Variants in CROCC observed in about 807,000 individuals in gnomAD.
The protein encoded by CROCC is rootletin.
In CROCC, 180 loss-of-function variants were observed where a neutral mutation model predicts 245.2. The observed-to-expected ratio is 0.73, with a 90% CI of 0.65 to 0.83. CROCC has a LOEUF of 0.83. Ranked by LOEUF, CROCC falls within the 40% of genes least tolerant of loss-of-function variation. The pLI is 0.00. For synonymous variants in CROCC, 1,205 were observed against 1,241.6 expected (o/e 0.97, Z 0.62); for missense variants, 2,688 against 2,779.4 (o/e 0.97, Z 0.74).
intron 2 of CROCC, among the ~76,000 whole-genome samples, chr1:16,923,928 A>G (rs1257950453): frequency 1.1e-4 from 17 of 152,212 alleles, no homozygotes; most frequent in African/African-American, 4.1e-4. Flanking sequence ...TGATCCTCCT[A>G]TCTCGACTCC....
chr1:16,963,075 C>T (rs1470768579), intron 27 of CROCC, among the ~76,000 whole-genome samples: 3 of 150,884 alleles, frequency 2.0e-5, no homozygotes, highest in Non-Finnish European at 2.9e-5. Context: ...CCCAGCTACT[C>T]GGGAGGCTGA....
intron 30 of CROCC, 66 bp from the exon 31 acceptor site, chr1:16,968,137 A>G: frequency 6.7e-7 from 1 of 1,486,040 alleles, no homozygotes; most frequent in Non-Finnish European, 9.2e-7. Flanking sequence ...TAAGGGCCCC[A>G]GGGCGTGTGC....
upstream of CROCC, among the ~76,000 whole-genome samples, chr1:16,919,032 G>C (rs1381308147): frequency 2.0e-5 from 3 of 152,408 alleles, no homozygotes; most frequent in Non-Finnish European, 4.4e-5. Context: ...ACTGCACCTG[G>C]CCAGTAGCTG....
intron 35 of CROCC, among the ~76,000 whole-genome samples, chr1:16,971,259 A>T (rs946294038): frequency 6.8e-6 from 1 of 146,720 alleles, no homozygotes; most frequent in Non-Finnish European, 1.5e-5. Context: ...GTGTCCATGC[A>T]CCTGCCTGAG....
intron 3 of CROCC, among the ~76,000 whole-genome samples, 153 bp from the exon 4 acceptor site, chr1:16,929,693 C>T (rs2075619344): frequency 1.3e-5 from 2 of 152,396 alleles, no homozygotes; most frequent in South Asian, 4.1e-4. Flanking sequence ...CGTGCACTGC[C>T]CCTGGGCTTG....
At chr1:16,955,931 GC>G in intron 24 of CROCC, 65 bp from the exon 25 acceptor site, 1 of 1,537,242 alleles carries the variant, frequency 6.5e-7, no homozygotes, top group East Asian at 2.4e-5. Context: ...GGAGGAGACG[GC>G]TTTTGTGTAG....
At chr1:16,955,929 C>A in intron 24 of CROCC, 68 bp from the exon 25 acceptor site, 1 of 1,529,702 alleles carries the variant, frequency 6.5e-7, no homozygotes, top group Non-Finnish European at 8.8e-7. Context: ...TTGGAGGAGA[C>A]GGCTTTTGTG....
intron 8 of CROCC, among the ~76,000 whole-genome samples, chr1:16,932,559 A>T (rs2075701241): frequency 6.6e-6 from 1 of 152,260 alleles, no homozygotes; most frequent in South Asian, 2.1e-4. Flanking sequence ...CAGAAAAACC[A>T]CTTTGTGGAG....
At chr1:16,963,735 G>T (rs1429823693) in intron 27 of CROCC, among the ~76,000 whole-genome samples, 1 of 152,024 alleles carries the variant, frequency 6.6e-6, no homozygotes, top group East Asian at 1.9e-4. Flanking sequence ...CAGGGAGTCG[G>T]GCTGCCTGGA....
upstream of CROCC, among the ~76,000 whole-genome samples, chr1:16,918,112 A>G (rs1239948368): frequency 6.3e-5 from 9 of 141,830 alleles, no homozygotes; most frequent in Non-Finnish European, 7.7e-5. Flanking sequence ...GGAGTATTTT[A>G]TTTAATGCTC....
chr1:16,921,576 T>C (rs1222616954), upstream of CROCC, among the ~76,000 whole-genome samples: 1 of 152,262 alleles, frequency 6.6e-6, no homozygotes, highest in Non-Finnish European at 1.5e-5. Flanking sequence ...AGAAAGATGG[T>C]CACAAATACT....
intron 14 of CROCC, among the ~76,000 whole-genome samples, chr1:16,945,088 T>G (rs2076016142): frequency 1.3e-5 from 2 of 152,230 alleles, no homozygotes; most frequent in African/African-American, 4.8e-5. Context: ...CAAAAATTAG[T>G]CAGGCGTGGT....
In CROCC at chr1:16,948,413, G is replaced by A. The variant is rs775267557; in HGVS notation, c.2597G>A (p.Arg866Gln). The A allele has an allele frequency of 4.3e-5, 68 of 1,573,782 alleles. No individual in the cohort carries two copies. In the Middle Eastern group the frequency reaches 5.9e-4, roughly 14 times the overall value. Residue 866 changes from arginine (R) to glutamine (Q), a missense_variant, in exon 18 of 37, where the codon CGA becomes CAA. Around this residue, in one of 9 missense-constraint regions of CROCC, gnomAD observed 295 missense variants for 241.7 expected, o/e 1.22. Transcript: ENST00000375541. ...EAQRQVEALE[R>Q]AAREKEALAK... ...CAGCGGCAAGTGGAGGCGCTGGAGCGAGCGGCCCGTGAGAAGGAGGCGCTA... is the reference window on the plus strand; with the variant it reads ...CAGCGGCAAGTGGAGGCGCTGGAGCAAGCGGCCCGTGAGAAGGAGGCGCTA...
At chr1:16,957,009 C>T (rs2076259442) in intron 25 of CROCC, among the ~76,000 whole-genome samples, 1 of 152,228 alleles carries the variant, frequency 6.6e-6, no homozygotes, top group African/African-American at 2.4e-5. Context: ...CAGTGGCTCA[C>T]ACCTATAATC....
chr1:16,938,769 G>T, intron 11 of CROCC, 140 bp from the exon 12 acceptor site: 1 of 871,602 alleles, frequency 1.1e-6, no homozygotes. Context: ...GCTAGTGGAG[G>T]AGGTGAAATC....
At chr1:16,933,059 C>T (rs965805903) in intron 8 of CROCC, among the ~76,000 whole-genome samples, 1 of 152,244 alleles carries the variant, frequency 6.6e-6, no homozygotes, top group Non-Finnish European at 1.5e-5. Context: ...GATCCTCCTG[C>T]CTTGACCTCC....
At chr1:16,947,831 T>A (rs1185714405) in intron 17 of CROCC, among the ~76,000 whole-genome samples, 1 of 152,196 alleles carries the variant, frequency 6.6e-6, no homozygotes, top group Non-Finnish European at 1.5e-5. Flanking sequence ...TTCATTTTGT[T>A]TTGTTTTTGT....
intron 25 of CROCC, among the ~76,000 whole-genome samples, chr1:16,957,503 C>T (rs1388047770): frequency 1.3e-5 from 2 of 152,074 alleles, no homozygotes; most frequent in African/African-American, 2.4e-5. Flanking sequence ...AGTGCAGTGG[C>T]GCAATCTCGG....
At chr1:16,927,599 G>C (rs1371903127) in intron 3 of CROCC, among the ~76,000 whole-genome samples, 1 of 152,266 alleles carries the variant, frequency 6.6e-6, no homozygotes, top group Non-Finnish European at 1.5e-5. Context: ...CCAAACAGTC[G>C]ACGTGAACTC....
Sources: gnomAD v4.1 joint callset for allele counts (sites outside exome capture counted in the v4.1 genomes callset) on GRCh38, gnomAD v4.1.1 for gene constraint, gnomAD v4.1.1 regional missense constraint, MANE v1.5 for transcripts, NCBI Gene and HGNC (gene_info 2026-07-23, HGNC 2026-07-21) for gene names.